The following SHOX variants were observed in gnomAD, a reference collection of about 807,000 sequenced individuals.
The protein encoded by SHOX is SHOX homeobox.
Under a neutral mutation model 29.6 loss-of-function variants are expected in SHOX, and 12 were observed. The observed-to-expected ratio is 0.41, with a 90% CI of 0.26 to 0.66. The LOEUF is 0.66. Ranked by LOEUF, SHOX falls within the 30% of genes least tolerant of loss-of-function variation. The pLI is 0.35. For synonymous variants in SHOX, 214 were observed against 200.6 expected (o/e 1.07, Z -0.57); for missense variants, 499 against 437.7 (o/e 1.14, Z -1.25).
intron 2 of SHOX, 64 bp downstream of exon 2, chrX:634,890 C>T (rs2052717241): frequency 6.6e-7 from 1 of 1,504,876 alleles, no homozygotes; most frequent in South Asian, 1.2e-5. Flanking sequence ...GAGCGCACAG[C>T]ACGCGTACAG....
downstream of SHOX, among the ~76,000 whole-genome samples, chrX:653,164 C>T (rs1011265498): frequency 6.6e-6 from 1 of 152,098 alleles, no homozygotes; most frequent in African/African-American, 2.4e-5. Context: ...TCGCTTGGAC[C>T]CAGGAGGCGG....
chrX:627,697 T>A (rs765514328), upstream of SHOX, among the ~76,000 whole-genome samples: 1 of 152,194 alleles, frequency 6.6e-6, no homozygotes, highest in African/African-American at 2.4e-5. Context: ...GGTGTCCCCA[T>A]GCTCATTCCT....
At chrX:637,519 T>G (rs2052779093) in intron 2 of SHOX, among the ~76,000 whole-genome samples, 1 of 149,004 alleles carries the variant, frequency 6.7e-6, no homozygotes, top group African/African-American at 2.5e-5. Flanking sequence ...GGGGACAAGC[T>G]GGGGGTTATC....
intron 1 of SHOX, 150 bp from the exon 2 acceptor site, chrX:634,468 G>T: frequency 1.3e-6 from 1 of 787,422 alleles, no homozygotes; most frequent in Non-Finnish European, 2.2e-6. Flanking sequence ...TATCCTCCTC[G>T]GCTTTTGCCT....
chrX:638,651 T>C (rs1427333338), intron 2 of SHOX, among the ~76,000 whole-genome samples: 2 of 152,198 alleles, frequency 1.3e-5, no homozygotes, highest in African/African-American at 4.8e-5. Context: ...GCTGGAAGCT[T>C]CCGTGTTGGG....
At chrX:644,295 G>A in intron 4 of SHOX, 96 bp from the exon 5 acceptor site, 2 of 1,398,804 alleles carry the variant, frequency 1.4e-6, no homozygotes, top group Admixed American at 5.7e-5. Context: ...CTCCCTAGGG[G>A]AGAAGAGGCA....
chrX:650,780 C>A lies in SHOX; in HGVS notation c.*6144C>A, dbSNP rs1475845175. On this transcript the variant is annotated 3_prime_UTR_variant, in exon 5 of 5. Transcript: ENST00000686671. ...GGGGAGGAGAGAGGCTTTCGGTGGA[C>A]ACGTTTGACATTAAAAAAAAAAAAA... is the stretch of plus-strand genomic sequence containing the variant. Among the ~76,000 whole-genome samples the A allele has an allele frequency of 1.1e-5, 1 of 91,420 alleles. No individual in the cohort carries two copies. Among genetic ancestry groups the A allele is most frequent in the Non-Finnish European group, 2.0e-5 (1 of 48,842 alleles). The allele number at this position is 91,420 out of a possible 152,430, so 60.0% of individuals were successfully genotyped here.
intron 2 of SHOX, 50 bp downstream of exon 2, chrX:634,876 T>TCGGGAG: frequency 7.2e-6 from 11 of 1,532,814 alleles, no homozygotes; most frequent in Non-Finnish European, 9.7e-6. Flanking sequence ...CGCCTGGTCC[T>TCGGGAG]CGGGAGCGCA....
At chrX:652,503 G>A (rs1281634441), downstream of SHOX, among the ~76,000 whole-genome samples, 9 of 152,064 alleles carry the variant, frequency 5.9e-5, no homozygotes, top group African/African-American at 1.9e-4. Flanking sequence ...TTCCCACCGC[G>A]GTTACAGGGT....
chrX:632,847 CG>C (rs2052675063), intron 1 of SHOX, among the ~76,000 whole-genome samples: 1 of 152,044 alleles, frequency 6.6e-6, no homozygotes, highest in Admixed American at 6.5e-5. Context: ...TGAGGGCCTG[CG>C]TGTAATTTAA....
chrX:636,264 AAATATATAAACATATAT>A (rs1234913439), intron 2 of SHOX, among the ~76,000 whole-genome samples: 2 of 144,422 alleles, frequency 1.4e-5, no homozygotes, highest in African/African-American at 2.6e-5. Context: ...ATATAAACAT[AAATATATAAACATATAT>A]AATATATAAA....
chrX:626,760 CTCTT>C (rs2052545687), upstream of SHOX, among the ~76,000 whole-genome samples: 1 of 144,338 alleles, frequency 6.9e-6, no homozygotes, highest in African/African-American at 2.5e-5. Flanking sequence ...ACCTCTGTCT[CTCTT>C]TCTCTCCTCT....
At position 649,607 on chromosome X, in the gene SHOX, G is replaced by T. The variant is rs892492255; in HGVS notation, c.*4971G>T. ...TTCCCTGTGGCTTCCCGGTGAGCTC[G>T]CTCGCAGAGCAAGGAATACCACCCA... On this transcript the variant is annotated 3_prime_UTR_variant, in exon 5 of 5. Transcript: ENST00000686671. Among the ~76,000 whole-genome samples the T allele has an allele frequency of 1.4e-4, 22 of 152,170 alleles. No individual in the cohort carries two copies. Among genetic ancestry groups the T allele is most frequent in the African/African-American group, 5.3e-4 (22 of 41,440 alleles).
intron 2 of SHOX, among the ~76,000 whole-genome samples, chrX:639,625 G>T (rs1180352659): frequency 6.6e-6 from 1 of 152,246 alleles, no homozygotes; most frequent in Non-Finnish European, 1.5e-5. Context: ...CACTTCCACT[G>T]GCTCGGAACT....
chrX:644,794 C>A lies in SHOX; in HGVS notation c.*158C>A. The A allele has an allele frequency of 2.0e-6, 2 of 1,019,092 alleles. No individual in the cohort carries two copies. The highest frequency in any genetic ancestry group is 2.6e-6 in the Non-Finnish European group (2 of 764,292). 63.1% of individuals were successfully genotyped at this position (1,019,092 alleles called of 1,614,324 possible). A position where few individuals can be genotyped will look rare whatever the true frequency, so the allele number is the denominator to read the frequency against. On this transcript the variant is annotated 3_prime_UTR_variant, in exon 5 of 5. Transcript: ENST00000686671. ...CAAGAGGCCTGAGGAGGGAGGCTCCCGGGACCGTCCACGCACGACCCAGCC... is the reference window on the plus strand; with the variant it reads ...CAAGAGGCCTGAGGAGGGAGGCTCCAGGGACCGTCCACGCACGACCCAGCC...
downstream of SHOX, among the ~76,000 whole-genome samples, chrX:655,200 T>C (rs1172330465): frequency 4.0e-5 from 6 of 150,632 alleles, no homozygotes; most frequent in Admixed American, 1.3e-4. Context: ...CTCCACCTCC[T>C]GGGTTCAAGC....
At chrX:630,698 AGCC>A, upstream of SHOX, 1 of 655,092 alleles carries the variant, frequency 1.5e-6, no homozygotes, top group Non-Finnish European at 2.6e-6. Context: ...TCCGCCGCGG[AGCC>A]CGGAGACCAG....
Position 650,808 on chromosome X carries a change from A to AC in SHOX, c.*6172_*6173insC, listed in dbSNP as rs1211292890. ...GTTTGACATTAAAAAAAAAAAAAAA[A>AC]AAAAAAAAAAACTGGTGCCTAATTT... On this transcript the variant is annotated 3_prime_UTR_variant, in exon 5 of 5. Coordinates refer to ENST00000686671, the MANE Select transcript of SHOX (RefSeq NM_000451.4). Among the ~76,000 whole-genome samples, 61 of 147,150 alleles carry AC rather than the reference A, an allele frequency of 4.1e-4. 1 individual carries two copies. The highest frequency in any genetic ancestry group is 1.4e-3 in the African/African-American group (57 of 39,642).
intron 5 of SHOX, among the ~76,000 whole-genome samples, chrX:658,539 C>G (rs899622782): frequency 6.6e-6 from 1 of 150,586 alleles, no homozygotes; most frequent in African/African-American, 2.4e-5. Context: ...GGCACGATCT[C>G]CGCTCACTGC....
Sources: allele counts gnomAD v4.1 joint callset (sites outside exome capture counted in the v4.1 genomes callset), GRCh38; gene constraint gnomAD v4.1.1; transcripts MANE v1.5; gene names NCBI Gene and HGNC (gene_info 2026-07-23, HGNC 2026-07-21).